CNTNAP2: variants seen among roughly 807,000 people sequenced by gnomAD.
CNTNAP2 encodes contactin-associated protein-like 2.
CNTNAP2 carries 98 observed loss-of-function variants against 155.2 expected under a neutral mutation model. The ratio of observed to expected loss-of-function variants is 0.63; its 90% CI spans 0.54 to 0.75. CNTNAP2 has a LOEUF of 0.75. Among genes scored for constraint, CNTNAP2 ranks in the 30% least tolerant of loss-of-function variants. The probability of loss-of-function intolerance (pLI) is 0.00; values close to 1 mark genes in which losing one functional copy is unlikely to be tolerated. For synonymous variants in CNTNAP2, 651 were observed against 631.2 expected, an observed-to-expected ratio of 1.03 and a Z score of -0.47; for missense variants, 1,727 against 1,688.1, an observed-to-expected ratio of 1.02 and a Z score of -0.40.
rs3052511 is a variant in CNTNAP2 at position 147,507,550 on chromosome 7, C to CTTTTTTTTTTT, written c.1777+21524_1777+21534dup. ...TATAGAAGTTGCTTTCTCTTTCTTT[C>CTTTTTTTTTTT]TTTTTTTTTTTTTTTTTTTTTTTTT... On this transcript the variant is annotated intron_variant, in intron 11 of 23. Transcript: ENST00000361727. Among the ~76,000 whole-genome samples, 48 of 82,010 alleles carry CTTTTTTTTTTT rather than the reference C, an allele frequency of 5.9e-4. 1 individual carries two copies. The highest frequency in any genetic ancestry group is 7.9e-4 in the Admixed American group (5 of 6,296). 53.8% of individuals were successfully genotyped at this position (82,010 alleles called of 152,430 possible). A position where few individuals can be genotyped will look rare whatever the true frequency, so the allele number is the denominator to read the frequency against.
chr7:148,417,943 C>G lies in CNTNAP2; in HGVS notation c.*2327C>G, dbSNP rs1800031777. ...GAAAAATGAGATCCAATCCTCTCACCAAAATTTCAAACCTAGGACACTGGA... is the reference window on the plus strand; with the variant it reads ...GAAAAATGAGATCCAATCCTCTCACGAAAATTTCAAACCTAGGACACTGGA... On this transcript the variant is annotated 3_prime_UTR_variant, in exon 24 of 24. Coordinates refer to ENST00000361727, the MANE Select transcript of CNTNAP2 (RefSeq NM_014141.6). The G allele has an allele frequency of 6.6e-6, 1 of 152,208 alleles. No individual in the cohort carries two copies. The highest frequency in any genetic ancestry group is 2.1e-4 in the South Asian group (1 of 4,834). 9.4% of individuals were successfully genotyped at this position (152,208 alleles called of 1,614,324 possible). A position where few individuals can be genotyped will look rare whatever the true frequency, so the allele number is the denominator to read the frequency against.
At chr7:148,021,177 G>C (rs73168548) in intron 15 of CNTNAP2, among the ~76,000 whole-genome samples, 43,996 of 146,974 alleles carry the variant, frequency 0.3, 6,548 homozygotes, top group African/African-American at 0.38. Context: ...CTTTTTGTTG[G>C]TGGAGGTTTT....
intron 15 of CNTNAP2, among the ~76,000 whole-genome samples, chr7:148,020,542 G>A (rs1802260975): frequency 6.6e-6 from 1 of 151,952 alleles, no homozygotes; most frequent in Admixed American, 6.6e-5. Flanking sequence ...TATTAATTTT[G>A]GTCAAGAAAT....
chr7:146,275,565 C>T (rs1331540354), intron 1 of CNTNAP2, among the ~76,000 whole-genome samples: 1 of 152,030 alleles, frequency 6.6e-6, no homozygotes, highest in Admixed American at 6.6e-5. Flanking sequence ...CAAAGTAAAC[C>T]CACATGTGTG....
intron 15 of CNTNAP2, among the ~76,000 whole-genome samples, chr7:148,108,085 TC>T (rs1390243216): frequency 6.6e-6 from 1 of 151,914 alleles, no homozygotes; most frequent in African/African-American, 2.4e-5. Flanking sequence ...ATTCCCCATC[TC>T]CCCTCTGGGG....
chr7:147,919,121 A>G (rs1800213418), intron 14 of CNTNAP2, among the ~76,000 whole-genome samples: 1 of 152,160 alleles, frequency 6.6e-6, no homozygotes, highest in South Asian at 2.1e-4. Flanking sequence ...GAAATCCATG[A>G]ACTAAGACAT....
chr7:147,553,566 C>G (rs1041122171), intron 11 of CNTNAP2, among the ~76,000 whole-genome samples: 2 of 152,092 alleles, frequency 1.3e-5, no homozygotes, highest in African/African-American at 4.8e-5. Flanking sequence ...AGTTAACATG[C>G]CTGCCCCATG....
chr7:147,867,365 C>T (rs1450710092), intron 13 of CNTNAP2, among the ~76,000 whole-genome samples: 2 of 152,196 alleles, frequency 1.3e-5, no homozygotes, highest in Non-Finnish European at 2.9e-5. Context: ...ACCTTTCTTT[C>T]TGGCTGCCCT....
At chr7:147,347,461 T>TATGC (rs1554472697) in intron 9 of CNTNAP2, among the ~76,000 whole-genome samples, 1 of 62,552 alleles carries the variant, frequency 1.6e-5, no homozygotes, top group Admixed American at 1.5e-4. Context: ...TATATGCATA[T>TATGC]ATATATATAT....
intron 8 of CNTNAP2, among the ~76,000 whole-genome samples, chr7:147,198,029 C>A (rs1036810208): frequency 5.3e-5 from 8 of 152,120 alleles, no homozygotes; most frequent in African/African-American, 1.7e-4. Flanking sequence ...TTTAAAAATA[C>A]TTTTTGAAAG....
chr7:146,823,500 CAT>C (rs1803336778), intron 2 of CNTNAP2, among the ~76,000 whole-genome samples: 2 of 131,238 alleles, frequency 1.5e-5, no homozygotes, highest in African/African-American at 6.5e-5. Flanking sequence ...AGTATATTTA[CAT>C]GGAAATATAC....
intron 3 of CNTNAP2, among the ~76,000 whole-genome samples, chr7:146,947,431 C>CAT (rs1440605961): frequency 8.6e-6 from 1 of 116,056 alleles, no homozygotes; most frequent in Non-Finnish European, 1.8e-5. Flanking sequence ...TATATATATA[C>CAT]ATACACACAC....
chr7:147,996,819 CTCAA>C (rs762106974), intron 15 of CNTNAP2, among the ~76,000 whole-genome samples: 1 of 152,132 alleles, frequency 6.6e-6, no homozygotes. Context: ...GAACAAAAGG[CTCAA>C]TCAGTCATCA....
At chr7:147,999,837 C>A (rs1490584915) in intron 15 of CNTNAP2, among the ~76,000 whole-genome samples, 1 of 152,108 alleles carries the variant, frequency 6.6e-6, no homozygotes, top group Non-Finnish European at 1.5e-5. Context: ...TGAAGGATTG[C>A]CGGCTACTGC....
chr7:147,261,996 T>C (rs2132591), intron 8 of CNTNAP2, among the ~76,000 whole-genome samples: 84,210 of 152,080 alleles, frequency 0.55, 24,242 homozygotes, highest in East Asian at 0.81. Context: ...AAATTTCTCA[T>C]TATATTCATC....
At chr7:146,993,540 A>G (rs1176203495) in intron 3 of CNTNAP2, among the ~76,000 whole-genome samples, 2 of 151,960 alleles carry the variant, frequency 1.3e-5, no homozygotes, top group South Asian at 2.1e-4. Flanking sequence ...GTGACCAGTT[A>G]TTATTTTAGA....
At chr7:147,268,276 A>T (rs1299298723) in intron 8 of CNTNAP2, among the ~76,000 whole-genome samples, 2 of 152,064 alleles carry the variant, frequency 1.3e-5, no homozygotes, top group Admixed American at 1.3e-4. Context: ...GTTTTTAAAT[A>T]TACATACAGA....
At chr7:148,389,647 G>A (rs62505152) in intron 22 of CNTNAP2, 1 of 152,070 alleles carries the variant, frequency 6.6e-6, no homozygotes, top group Non-Finnish European at 1.5e-5. Flanking sequence ...ACCCTTTCTA[G>A]TAACACTTCC....
intron 1 of CNTNAP2, among the ~76,000 whole-genome samples, chr7:146,616,786 A>G (rs1380387780): frequency 6.6e-6 from 1 of 152,204 alleles, no homozygotes; most frequent in Non-Finnish European, 1.5e-5. Flanking sequence ...CATTTGTAGC[A>G]TTCCTTTTCT....
Sources: gnomAD v4.1 joint callset for allele counts (sites outside exome capture counted in the v4.1 genomes callset) on GRCh38, gnomAD v4.1.1 for gene constraint, MANE v1.5 for transcripts, NCBI Gene and HGNC (gene_info 2026-07-23, HGNC 2026-07-21) for gene names.